MIB1: variants seen among roughly 807,000 people sequenced by gnomAD.
MIB1 encodes the protein MIB E3 ubiquitin protein ligase 1.
Under a neutral mutation model 124.5 loss-of-function variants are expected in MIB1, and 278 were observed. The observed-to-expected ratio is 2.23, with a 90% CI of 2.02 to 2.47. MIB1 has a LOEUF of 2.47. MIB1 is among the 30% of genes most tolerant of loss of function. MIB1 has a pLI of 0.00. For synonymous variants in MIB1, 446 were observed against 429.4 expected, an observed-to-expected ratio of 1.04 and a Z score of -0.48; for missense variants, 957 against 1,254.4, an observed-to-expected ratio of 0.76 and a Z score of 3.58.
intron 1 of MIB1, among the ~76,000 whole-genome samples, chr18:21,765,100 A>ATAGTTCTAATG (rs1386369247): frequency 6.6e-6 from 1 of 152,228 alleles, no homozygotes; most frequent in African/African-American, 2.4e-5. Flanking sequence ...GGTACCTTTT[A>ATAGTTCTAATG]TAGTTCTAAT....
intron 1 of MIB1, among the ~76,000 whole-genome samples, chr18:21,742,276 CTTTTT>C (rs573203298): frequency 1.5e-5 from 2 of 136,764 alleles, no homozygotes; most frequent in Non-Finnish European, 1.6e-5. Flanking sequence ...GTGGAGATGC[CTTTTT>C]TTTTTTTTTT....
In MIB1 at chr18:21,741,567, C is replaced by G. The variant is rs561980800; in HGVS notation, c.-17C>G. On this transcript the variant is annotated 5_prime_UTR_variant, in exon 1 of 21. Transcript: ENST00000261537. This position sits in a 1 kb window ranked among gnomAD's most constrained non-coding sequence, Gnocchi z 5.4. ...GCGGCGGCGGCGGCAGCGGCGGAGC[C>G]CACCGCCCGGGCCCCGATGAGTAAC... 7.3e-7 allele frequency: 1 copy of G among 1,373,358 alleles called. No individual in the cohort carries two copies. The highest frequency in any genetic ancestry group is 1.5e-5 in the African/African-American group (1 of 66,724). 85.1% of individuals were successfully genotyped at this position (1,373,358 alleles called of 1,614,324 possible).
intron 13 of MIB1, among the ~76,000 whole-genome samples, chr18:21,840,874 A>G (rs1326447238): frequency 6.6e-6 from 1 of 151,894 alleles, no homozygotes; most frequent in Non-Finnish European, 1.5e-5. Context: ...GTATTAGTAT[A>G]TTATCTGACA....
chr18:21,788,511 A>G (rs967367957), intron 6 of MIB1, among the ~76,000 whole-genome samples: 2 of 152,244 alleles, frequency 1.3e-5, no homozygotes, highest in Non-Finnish European at 2.9e-5. Flanking sequence ...AGCTAACATC[A>G]TCCTTAATGA....
At chr18:21,845,603 G>A (rs2042128066) in intron 15 of MIB1, among the ~76,000 whole-genome samples, 1 of 151,988 alleles carries the variant, frequency 6.6e-6, no homozygotes, top group Admixed American at 6.6e-5. Flanking sequence ...AGTGCCATTA[G>A]TTGAAAAGAC....
chr18:21,730,973 A>T (rs555026522), intron 1 of MIB1, among the ~76,000 whole-genome samples: 38 of 152,200 alleles, frequency 2.5e-4, no homozygotes, highest in Non-Finnish European at 1.2e-4. Flanking sequence ...GCTTTCATGT[A>T]TGTGGTCCCT....
chr18:21,747,165 T>G (rs192967837), intron 1 of MIB1, among the ~76,000 whole-genome samples: 1 of 152,360 alleles, frequency 6.6e-6, no homozygotes, highest in East Asian at 1.9e-4. Context: ...TCCTCATAGA[T>G]CCTACCTATT....
intron 1 of MIB1, among the ~76,000 whole-genome samples, chr18:21,754,791 T>C (rs1278324528): frequency 1.3e-5 from 2 of 152,212 alleles, no homozygotes; most frequent in African/African-American, 2.4e-5. Flanking sequence ...AGTGCCTAAG[T>C]GCTTAGTTAA....
At chr18:21,860,289 T>C (rs1188554695) in intron 20 of MIB1, among the ~76,000 whole-genome samples, 3 of 151,360 alleles carry the variant, frequency 2.0e-5, no homozygotes, top group Non-Finnish European at 2.9e-5. Context: ...TTAGTAGCGA[T>C]AGGGATTTGC....
intron 8 of MIB1, among the ~76,000 whole-genome samples, chr18:21,799,614 A>G (rs2041627493): frequency 6.6e-6 from 1 of 152,040 alleles, no homozygotes; most frequent in African/African-American, 2.4e-5. Flanking sequence ...TTTTTCTAAA[A>G]TTATAATTTG....
chr18:21,819,484 T>C lies in MIB1; in HGVS notation c.1678-11T>C, dbSNP rs2041860072. 1.3e-6 allele frequency: 2 copies of C among 1,567,664 alleles called. No homozygotes were observed. The highest frequency in any genetic ancestry group is 2.3e-5 in the South Asian group (2 of 86,116). On this transcript the variant is annotated splice_polypyrimidine_tract_variant and intron_variant, in intron 11 of 20. Transcript: ENST00000261537. ...ATTGAAGAACTAATGAAAATTTCTT[T>C]AAACTTAAAGGATTCTGAAGGTGAT... is the stretch of plus-strand genomic sequence containing the variant.
At chr18:21,713,315 A>G (rs1465794813) in intron 1 of MIB1, among the ~76,000 whole-genome samples, 1 of 130,758 alleles carries the variant, frequency 7.6e-6, no homozygotes, top group African/African-American at 3.2e-5. Context: ...TTAATTAATA[A>G]ATTAAAGAAC....
chr18:21,853,980 C>T (rs1343614195), intron 18 of MIB1, among the ~76,000 whole-genome samples: 3 of 143,362 alleles, frequency 2.1e-5, no homozygotes, highest in Admixed American at 1.4e-4. Context: ...TTCTCGTGTC[C>T]TCCGCCTAGG....
upstream of MIB1, among the ~76,000 whole-genome samples, chr18:21,739,020 A>T (rs1444293369): frequency 6.6e-6 from 1 of 151,972 alleles, no homozygotes; most frequent in Non-Finnish European, 1.5e-5. Context: ...GAAAAAGATC[A>T]ACTACATAGA....
intron 5 of MIB1, 83 bp downstream of exon 5, chr18:21,778,252 A>G (rs984548105): frequency 1.2e-4 from 122 of 1,002,384 alleles, no homozygotes; most frequent in Admixed American, 1.0e-3. Context: ...GGATGTTAGA[A>G]AAGTTAATTA....
At chr18:21,765,453 A>T (rs1302719028) in intron 1 of MIB1, among the ~76,000 whole-genome samples, 1 of 152,226 alleles carries the variant, frequency 6.6e-6, no homozygotes, top group Non-Finnish European at 1.5e-5. Context: ...AGTCTGAAAC[A>T]TCTCCTTAGT....
At chr18:21,753,739 C>T (rs1642544526) in intron 1 of MIB1, among the ~76,000 whole-genome samples, 1 of 151,612 alleles carries the variant, frequency 6.6e-6, no homozygotes, top group Non-Finnish European at 1.5e-5. Context: ...TGCAGTGGCG[C>T]GATCTCAGCC....
Position 21,861,158 on chromosome 18 carries a change from A to G in MIB1, c.2880+2512A>G, listed in dbSNP as rs867061895. 3.9e-5 allele frequency among the ~76,000 whole-genome samples: 6 copies of G among 152,204 alleles called. No individual in the cohort carries two copies. The South Asian group carries it at 6.2e-4, about 16-fold the overall frequency. On this transcript the variant is annotated intron_variant, in intron 20 of 20. Transcript: ENST00000261537. Reference sequence around the variant, plus strand: ...TTCTTTTGAAATCCAGCATCTAGCAATACTTTTTATAGAATGAATAAGTGA... The same window carrying G: ...TTCTTTTGAAATCCAGCATCTAGCAGTACTTTTTATAGAATGAATAAGTGA...
rs2041861232 is a variant in MIB1, at chr18:21,819,556, CA to C, written c.1740del (p.Val581PhefsTer25). 1.2e-6 allele frequency: 2 copies of C among 1,610,498 alleles called. No homozygotes were observed. Among genetic ancestry groups the C allele is most frequent in the Non-Finnish European group, 8.5e-7 (1 of 1,177,170 alleles). On this transcript the variant is annotated frameshift_variant, in exon 12 of 21. Transcript: ENST00000261537. LOFTEE classifies it high-confidence loss of function. The stretch of plus-strand genomic sequence containing the variant: ...AGTAAGAAACGTGATGATATCCTAG[CA>C]GTTCTTTTGGAAGCTGGAGCAGATG... Reference protein sequence around the residue: ...AISKKRDDILAVLLEAGADVT... With the variant: ...AISKKRDDILXVLLEAGADVT...
Sources: gnomAD v4.1 joint callset for allele counts (sites outside exome capture counted in the v4.1 genomes callset) on GRCh38, gnomAD v4.1.1 for gene constraint, Gnocchi (gnomAD v3.1) non-coding constraint, MANE v1.5 for transcripts, NCBI Gene and HGNC (gene_info 2026-07-23, HGNC 2026-07-21) for gene names.